The following PDE8A variants were observed in gnomAD, a reference collection of about 807,000 sequenced individuals.
PDE8A encodes the protein phosphodiesterase 8A.
PDE8A carries 59 observed loss-of-function variants against 105.0 expected under a neutral mutation model. The ratio of observed to expected loss-of-function variants is 0.56; its 90% CI spans 0.46 to 0.70. The LOEUF is 0.70. PDE8A is among the 30% of genes least tolerant of loss of function. The pLI is 0.00. For synonymous variants in PDE8A, 355 were observed against 371.9 expected (o/e 0.95, Z 0.52); for missense variants, 1,014 against 1,045.9 (o/e 0.97, Z 0.42).
rs1374115400 is a variant in PDE8A, at chr15:85,040,387, A to AG, written c.187-23983_187-23982insG. ...CTCTTCTCTAAAAAAAAAAAAAAAA[A>AG]AAAGAAAAGAAAAGAAAAAACATTT... On this transcript the variant is annotated intron_variant, in intron 1 of 21. Transcript: ENST00000394553. Among the ~76,000 whole-genome samples the AG allele has an allele frequency of 1.4e-3, 215 of 149,502 alleles. 1 individual carries two copies. Among genetic ancestry groups the AG allele is most frequent in the African/African-American group, 5.0e-3 (202 of 40,194 alleles).
chr15:85,080,803 C>G (rs1567271057), intron 5 of PDE8A, among the ~76,000 whole-genome samples: 1 of 152,200 alleles, frequency 6.6e-6, no homozygotes, highest in African/African-American at 2.4e-5. Flanking sequence ...ACACCTTAAT[C>G]AAAATCAAGG....
chr15:85,060,198 T>C (rs2081122012), intron 1 of PDE8A, among the ~76,000 whole-genome samples: 2 of 152,232 alleles, frequency 1.3e-5, no homozygotes, highest in Admixed American at 1.3e-4. Flanking sequence ...ATTCTGTAGC[T>C]ACTTTCTTTA....
Position 85,117,849 on chromosome 15 carries a change from T to A in PDE8A, c.1734+10T>A, listed in dbSNP as rs759065918. The stretch of plus-strand genomic sequence containing the variant: ...CAAGGAGAGGATAAAGGTGAGCTGT[T>A]GTTTACCTGCCACATTTAATGGGCA... On this transcript the variant is annotated intron_variant, in intron 17 of 21. Transcript: ENST00000394553. 8 of 1,601,862 alleles carry A rather than the reference T, an allele frequency of 5.0e-6. No individual in the cohort carries two copies. Among genetic ancestry groups the A allele is most frequent in the Non-Finnish European group, 6.8e-6 (8 of 1,169,296 alleles).
At chr15:84,982,611 C>T (rs1288566041) in intron 1 of PDE8A, among the ~76,000 whole-genome samples, 1 of 152,260 alleles carries the variant, frequency 6.6e-6, no homozygotes, top group South Asian at 2.1e-4. Context: ...TGGACACATC[C>T]GACTCCCGGA....
intron 1 of PDE8A, among the ~76,000 whole-genome samples, chr15:85,036,028 G>C (rs1394973839): frequency 2.0e-5 from 3 of 152,196 alleles, no homozygotes; most frequent in Admixed American, 2.0e-4. Context: ...CCAAAAAACA[G>C]TCCTAGTGGG....
intron 1 of PDE8A, among the ~76,000 whole-genome samples, chr15:84,999,178 T>G (rs990860251): frequency 6.0e-5 from 9 of 149,326 alleles, no homozygotes; most frequent in Non-Finnish European, 1.2e-4. Flanking sequence ...TGGATTTCAG[T>G]GGTGCAATCT....
chr15:85,123,243 G>C (rs752632843), intron 19 of PDE8A, 50 bp downstream of exon 19: 7 of 1,586,244 alleles, frequency 4.4e-6, no homozygotes, highest in Non-Finnish European at 4.3e-6. Flanking sequence ...TCCTTGTACT[G>C]TTGTGTTATG....
chr15:84,982,425 G>T lies in PDE8A; in HGVS notation c.186+77G>T, dbSNP rs539882052. The T allele has an allele frequency of 7.0e-6, 7 of 1,001,220 alleles. No individual in the cohort carries two copies. The African/African-American group carries it at 1.2e-4, about 17-fold the overall frequency. The allele number at this position is 1,001,220 out of a possible 1,614,324, so 62.0% of individuals were successfully genotyped here. ...TAAGCAACTTTCCCGCAGGGGCCGG[G>T]CGGGGTCCCCCCCACCCGGCCTCGG... On this transcript the variant is annotated intron_variant, in intron 1 of 21. Transcript: ENST00000394553.
intron 5 of PDE8A, among the ~76,000 whole-genome samples, chr15:85,083,076 T>G (rs2081492539): frequency 2.0e-5 from 3 of 152,264 alleles, no homozygotes. Flanking sequence ...TTGCCCATGT[T>G]GGGGTTCCCC....
chr15:85,060,052 G>T (rs186123256), intron 1 of PDE8A, among the ~76,000 whole-genome samples: 20 of 152,200 alleles, frequency 1.3e-4, no homozygotes, highest in Admixed American at 7.2e-4. Flanking sequence ...CTTAACTTCT[G>T]TCATTTTGCT....
chr15:84,997,131 T>G (rs1047521714), intron 1 of PDE8A, among the ~76,000 whole-genome samples: 23 of 152,218 alleles, frequency 1.5e-4, no homozygotes, highest in African/African-American at 5.5e-4. Flanking sequence ...CGTGAACATA[T>G]TGTATAGCTG....
intron 1 of PDE8A, among the ~76,000 whole-genome samples, chr15:84,995,837 G>A (rs1329317648): frequency 6.6e-6 from 1 of 152,210 alleles, no homozygotes; most frequent in African/African-American, 2.4e-5. Context: ...ACCCTGCCTT[G>A]TGGTCAGATT....
chr15:85,075,972 C>T, intron 4 of PDE8A, 54 bp downstream of exon 4: 3 of 954,534 alleles, frequency 3.1e-6, no homozygotes, highest in Middle Eastern at 2.1e-4. Flanking sequence ...AATACTTGCT[C>T]TTAACAGATG....
intron 9 of PDE8A, 114 bp from the exon 10 acceptor site, chr15:85,099,901 A>G (rs1334717661): frequency 5.2e-6 from 4 of 773,768 alleles, no homozygotes; most frequent in Non-Finnish European, 8.7e-6. Flanking sequence ...AAATGTTCTC[A>G]GAGCGTTTTG....
intron 1 of PDE8A, among the ~76,000 whole-genome samples, chr15:85,025,418 T>TTG (rs1404156074): frequency 6.6e-6 from 1 of 152,002 alleles, no homozygotes; most frequent in Non-Finnish European, 1.5e-5. Flanking sequence ...TTCCTGTTTT[T>TTG]TCCAGGGGGG....
chr15:85,132,960 C>T (rs1224480503), intron 20 of PDE8A, among the ~76,000 whole-genome samples: 2 of 151,864 alleles, frequency 1.3e-5, no homozygotes, highest in Non-Finnish European at 2.9e-5. Flanking sequence ...TTGAGTGTAC[C>T]ATATTTTCTA....
intron 6 of PDE8A, among the ~76,000 whole-genome samples, chr15:85,085,835 C>T (rs2081543684): frequency 6.6e-6 from 1 of 151,914 alleles, no homozygotes; most frequent in Non-Finnish European, 1.5e-5. Flanking sequence ...TGATGAAACC[C>T]CGTCTCTACT....
intron 5 of PDE8A, among the ~76,000 whole-genome samples, chr15:85,080,332 C>T (rs917245599): frequency 1.3e-5 from 2 of 152,122 alleles, no homozygotes; most frequent in African/African-American, 4.8e-5. Context: ...TTTACTTAGC[C>T]AGCAGTAAGG....
At chr15:85,137,597 G>A (rs1254228696) in intron 21 of PDE8A, among the ~76,000 whole-genome samples, 200 bp from the exon 22 acceptor site, 1 of 152,226 alleles carries the variant, frequency 6.6e-6, no homozygotes, top group Non-Finnish European at 1.5e-5. Context: ...GGTGGTCACA[G>A]AGGAGGTGCT....
Sources: gnomAD v4.1 joint callset for allele counts (sites outside exome capture counted in the v4.1 genomes callset) on GRCh38, gnomAD v4.1.1 for gene constraint, MANE v1.5 for transcripts, NCBI Gene and HGNC (gene_info 2026-07-23, HGNC 2026-07-21) for gene names.